ARFGEF3: variants seen among roughly 807,000 people sequenced by gnomAD.
ARFGEF3 encodes brefeldin A-inhibited guanine nucleotide-exchange protein 3.
In ARFGEF3, 96 loss-of-function variants were observed where a neutral mutation model predicts 221.7. That is an observed-to-expected ratio of 0.43 (90% CI 0.37 to 0.51). ARFGEF3 has a LOEUF of 0.51. ARFGEF3 is among the 20% of genes least tolerant of loss of function. The probability of loss-of-function intolerance (pLI) is 0.00; values close to 1 mark genes in which losing one functional copy is unlikely to be tolerated. For synonymous variants in ARFGEF3, 1,145 were observed against 1,126.8 expected (o/e 1.02, Z -0.32); for missense variants, 2,410 against 2,789.9 (o/e 0.86, Z 3.07).
intron 25 of ARFGEF3, among the ~76,000 whole-genome samples, chr6:138,313,584 T>C (rs1779868272): frequency 1.3e-5 from 2 of 152,214 alleles, no homozygotes; most frequent in South Asian, 4.1e-4. Flanking sequence ...CCTCTACTTT[T>C]TTGTTGCCAT....
chr6:138,316,843 T>C (rs1444534669), intron 26 of ARFGEF3, among the ~76,000 whole-genome samples: 1 of 152,348 alleles, frequency 6.6e-6, no homozygotes, highest in East Asian at 1.9e-4. Context: ...ATTGTACTCG[T>C]AGAAATGGCT....
rs114958306 is a variant in ARFGEF3, at chr6:138,295,154, G to A, written c.3502+1028G>A. 8.2e-3 allele frequency among the ~76,000 whole-genome samples: 1,248 copies of A among 152,188 alleles called. 23 individuals are homozygous for A. Among genetic ancestry groups the A allele is most frequent in the African/African-American group, 0.029 (1,219 of 41,504 alleles). The stretch of plus-strand genomic sequence containing the variant: ...CAAAGAACACAATGAGCAGGGGCCA[G>A]GAAGGGTCGGTAAATCTAGAAAGAG... On this transcript the variant is annotated intron_variant, in intron 20 of 33. Transcript: ENST00000251691.
chr6:138,193,355 A>T (rs1167758575), intron 2 of ARFGEF3, among the ~76,000 whole-genome samples: 2 of 152,148 alleles, frequency 1.3e-5, no homozygotes, highest in Admixed American at 1.3e-4. Context: ...ATACTTCTAT[A>T]GTTGGTTGTG....
chr6:138,285,806 G>C, intron 14 of ARFGEF3, 140 bp from the exon 15 acceptor site: 1 of 579,316 alleles, frequency 1.7e-6, no homozygotes, highest in African/African-American at 1.9e-5. Context: ...ATTTATGATA[G>C]TCTCATTAAA....
intron 10 of ARFGEF3, among the ~76,000 whole-genome samples, chr6:138,257,451 G>A (rs1039212274): frequency 6.6e-6 from 1 of 152,220 alleles, no homozygotes; most frequent in Non-Finnish European, 1.5e-5. Flanking sequence ...GAGAGGCCTA[G>A]AATTTTACTG....
At chr6:138,270,433 C>CACACACAT (rs1341305868) in intron 12 of ARFGEF3, among the ~76,000 whole-genome samples, 1 of 130,756 alleles carries the variant, frequency 7.6e-6, no homozygotes, top group Non-Finnish European at 1.5e-5. Flanking sequence ...CGTAGACACA[C>CACACACAT]ACACACACAC....
chr6:138,287,062 T>C lies in ARFGEF3; in HGVS notation c.2786-12T>C. The C allele has an allele frequency of 6.4e-7, 1 of 1,564,598 alleles. No individual in the cohort carries two copies. Among genetic ancestry groups the C allele is most frequent in the Non-Finnish European group, 8.7e-7 (1 of 1,153,988 alleles). ...TACTCAGTCAAGAAGTCATTGTGTGTCTCCTCTGAAGGCGTTGCTGCTAAC... is the reference window on the plus strand; with the variant it reads ...TACTCAGTCAAGAAGTCATTGTGTGCCTCCTCTGAAGGCGTTGCTGCTAAC... On this transcript the variant is annotated splice_polypyrimidine_tract_variant and intron_variant, in intron 16 of 33. Transcript: ENST00000251691.
chr6:138,199,949 G>T (rs1212360686), intron 2 of ARFGEF3, among the ~76,000 whole-genome samples: 1 of 152,132 alleles, frequency 6.6e-6, no homozygotes, highest in Non-Finnish European at 1.5e-5. Context: ...TCCTTATCTT[G>T]TTCCAGCTCT....
Position 138,162,254 on chromosome 6 carries a change from C to T in ARFGEF3, c.85+83C>T. On this transcript the variant is annotated intron_variant, in intron 1 of 33. Transcript: ENST00000251691. This position sits in a 1 kb window ranked among gnomAD's most constrained non-coding sequence, Gnocchi z 4.7. ...CGCGCCTCCGCGCGTGGGGCTTTCGCGGAGCGTCGGTCATGGGTGCCGTTC... is the reference window on the plus strand; with the variant it reads ...CGCGCCTCCGCGCGTGGGGCTTTCGTGGAGCGTCGGTCATGGGTGCCGTTC... 3 of 975,028 alleles carry T rather than the reference C, an allele frequency of 3.1e-6. No individual in the cohort carries two copies. The highest frequency in any genetic ancestry group is 4.5e-6 in the Non-Finnish European group (3 of 666,938). The allele number at this position is 975,028 out of a possible 1,614,324, so 60.4% of individuals were successfully genotyped here.
chr6:138,270,939 G>A (rs1263250588), intron 12 of ARFGEF3, among the ~76,000 whole-genome samples: 1 of 152,184 alleles, frequency 6.6e-6, no homozygotes, highest in Non-Finnish European at 1.5e-5. Context: ...AGGGCAGGAG[G>A]CATTGGGGTG....
chr6:138,207,902 A>G (rs1267148457), intron 3 of ARFGEF3, among the ~76,000 whole-genome samples: 1 of 152,198 alleles, frequency 6.6e-6, no homozygotes, highest in Non-Finnish European at 1.5e-5. Context: ...CTTTTAAGAG[A>G]TAAAACCTAT....
intron 4 of ARFGEF3, among the ~76,000 whole-genome samples, chr6:138,214,934 G>C (rs928331759): frequency 6.6e-6 from 1 of 152,188 alleles, no homozygotes; most frequent in African/African-American, 2.4e-5. Flanking sequence ...GGAACCCAAA[G>C]AAAAGTTTTA....
chr6:138,278,758 T>C (rs1779145635), intron 13 of ARFGEF3, 141 bp downstream of exon 13: 1 of 817,184 alleles, frequency 1.2e-6, no homozygotes, highest in South Asian at 1.8e-5. Context: ...AGTGGGACTT[T>C]GGGGGATGGA....
rs1780284264 is a variant in ARFGEF3, at chr6:138,334,476, A to G, written c.5630A>G (p.Lys1877Arg). 6.2e-7 allele frequency: 1 copy of G among 1,612,608 alleles called. No homozygotes were observed. The highest frequency in any genetic ancestry group is 8.5e-7 in the Non-Finnish European group (1 of 1,179,530). Residue 1877 changes from lysine (K) to arginine (R), a missense_variant, in exon 33 of 34, where the codon AAG becomes AGG. By Grantham distance (26) the Lys-to-Arg change is conservative. Transcript: ENST00000251691. This position sits in a 1 kb window ranked among gnomAD's most constrained non-coding sequence, Gnocchi z 5.1. ...AQVSPPRGKE[K>R]RQWRARMPLL... ...GTCAGCCCCCCGAGAGGCAAGGAGAAGAGACAGTGGCGGGCACGGATGCCC... is the reference window on the plus strand; with the variant it reads ...GTCAGCCCCCCGAGAGGCAAGGAGAGGAGACAGTGGCGGGCACGGATGCCC...
At chr6:138,170,608 G>A (rs1352593696) in intron 1 of ARFGEF3, 54 bp from the exon 2 acceptor site, 13 of 930,172 alleles carry the variant, frequency 1.4e-5, no homozygotes, top group Admixed American at 3.7e-5. Context: ...CATGTACAAT[G>A]TATATTCTCA....
chr6:138,290,358 A>C (rs762683425), intron 18 of ARFGEF3, among the ~76,000 whole-genome samples: 1 of 152,238 alleles, frequency 6.6e-6, no homozygotes, highest in Non-Finnish European at 1.5e-5. Context: ...TCTTTACTTA[A>C]AGAAGGATTT....
chr6:138,321,991 C>G (rs1260189391), intron 29 of ARFGEF3, among the ~76,000 whole-genome samples: 1 of 152,158 alleles, frequency 6.6e-6, no homozygotes. Context: ...AAAGAGAGAG[C>G]TTGCTCAGGG....
chr6:138,163,627 A>G (rs6907714), intron 1 of ARFGEF3, among the ~76,000 whole-genome samples: 19,838 of 152,154 alleles, frequency 0.13, 1,859 homozygotes, highest in African/African-American at 0.26. Context: ...TAATAAGTTT[A>G]AATACTGACA....
In ARFGEF3 at chr6:138,334,034, G is replaced by A; in HGVS notation, c.5188G>A (p.Asp1730Asn). 1 of 1,613,918 alleles carries A rather than the reference G, an allele frequency of 6.2e-7. No homozygotes were observed. Among genetic ancestry groups the A allele is most frequent in the Non-Finnish European group, 8.5e-7 (1 of 1,179,858 alleles). Reference sequence around the variant, plus strand: ...TCAGGTGTTACTCCAGAACTTATATGACATCTTGTTAGAAGAGTTTGTCAA... The same window carrying A: ...TCAGGTGTTACTCCAGAACTTATATAACATCTTGTTAGAAGAGTTTGTCAA... Reference protein sequence around the residue: ...SHQVLLQNLYDILLEEFVKGP... With the variant: ...SHQVLLQNLYNILLEEFVKGP... Residue 1730 changes from aspartate to asparagine, a missense_variant, in exon 33 of 34, where the codon GAC becomes AAC. Physicochemically the swap from Asp to Asn is conservative, Grantham distance 23. Transcript: ENST00000251691. This position sits in a 1 kb window ranked among gnomAD's most constrained non-coding sequence, Gnocchi z 5.1.
Sources: gnomAD v4.1 joint callset for allele counts (sites outside exome capture counted in the v4.1 genomes callset) on GRCh38, gnomAD v4.1.1 for gene constraint, Gnocchi (gnomAD v3.1) non-coding constraint, MANE v1.5 for transcripts, NCBI Gene and HGNC (gene_info 2026-07-23, HGNC 2026-07-21) for gene names.